RNF180: variants seen among roughly 807,000 people sequenced by gnomAD.
The protein encoded by RNF180 is E3 ubiquitin-protein ligase RNF180.
In RNF180, 38 loss-of-function variants were observed where a neutral mutation model predicts 59.2. That is an observed-to-expected ratio of 0.64 (90% confidence interval 0.50 to 0.84). The LOEUF (loss-of-function observed/expected upper bound fraction) is 0.84. RNF180 is among the 40% of genes least tolerant of loss of function. The pLI is 0.00. For missense variants in RNF180, 705 were observed against 700.9 expected, an observed-to-expected ratio of 1.01 and a Z score of -0.07; for synonymous variants, 262 against 240.3, an observed-to-expected ratio of 1.09 and a Z score of -0.84.
At chr5:64,255,617 G>C (rs978904102) in intron 5 of RNF180, among the ~76,000 whole-genome samples, 1 of 152,122 alleles carries the variant, frequency 6.6e-6, no homozygotes, top group African/African-American at 2.4e-5. Context: ...CATTTGGGTT[G>C]GTTCCAAGTC....
rs150051887 is a variant in RNF180, at chr5:64,213,882, G to A, written c.556G>A (p.Val186Met). Residue 186 changes from valine (V) to methionine (M), a missense_variant, in exon 4 of 8, where the codon GTG (valine) becomes ATG (methionine). Coordinates refer to ENST00000389100, the MANE Select transcript of RNF180 (RefSeq NM_001113561.2). ...ATTAACAGAAGCACTCTGCCTGGAG[G>A]TGCGACCAACATATTTTGAGATGAA... ...GRLTEALCLEVRPTYFEMKNE... is the reference protein window; with the variant it reads ...GRLTEALCLEMRPTYFEMKNE... The A allele has an allele frequency of 1.2e-6, 2 of 1,613,980 alleles. No individual in the cohort carries two copies. Among genetic ancestry groups the A allele is most frequent in the African/African-American group, 1.3e-5 (1 of 74,930 alleles).
At chr5:64,345,902 A>C (rs951263106) in intron 7 of RNF180, among the ~76,000 whole-genome samples, 1 of 152,172 alleles carries the variant, frequency 6.6e-6, no homozygotes, top group African/African-American at 2.4e-5. Flanking sequence ...TATGTGTGTG[A>C]AGTACAATTA....
At chr5:64,361,848 G>T (rs1399273473) in intron 7 of RNF180, among the ~76,000 whole-genome samples, 1 of 151,138 alleles carries the variant, frequency 6.6e-6, no homozygotes, top group Admixed American at 6.6e-5. Flanking sequence ...TGACTATTAT[G>T]TTATCATAAT....
At chr5:64,249,945 C>G (rs1213079269) in intron 5 of RNF180, among the ~76,000 whole-genome samples, 1 of 152,082 alleles carries the variant, frequency 6.6e-6, no homozygotes. Flanking sequence ...AAAACTTAAA[C>G]TACTCTAGAT....
chr5:64,195,759 C>T (rs1437290139), intron 1 of RNF180, among the ~76,000 whole-genome samples: 3 of 152,028 alleles, frequency 2.0e-5, no homozygotes, highest in East Asian at 3.9e-4. Context: ...CAATATTCAC[C>T]CAGTTATTCT....
At chr5:64,248,172 C>T (rs934638100) in intron 5 of RNF180, among the ~76,000 whole-genome samples, 1 of 152,168 alleles carries the variant, frequency 6.6e-6, no homozygotes, top group African/African-American at 2.4e-5. Flanking sequence ...AAAACATAGG[C>T]AGTACCATCC....
intron 6 of RNF180, among the ~76,000 whole-genome samples, chr5:64,328,900 G>A (rs1419173679): frequency 6.6e-6 from 1 of 152,156 alleles, no homozygotes; most frequent in Non-Finnish European, 1.5e-5. Flanking sequence ...GGAAAGCCTA[G>A]TTTACTTCTC....
intron 7 of RNF180, among the ~76,000 whole-genome samples, chr5:64,333,511 T>C (rs923109039): frequency 2.0e-4 from 30 of 152,212 alleles, no homozygotes; most frequent in African/African-American, 6.3e-4. Flanking sequence ...CCCCAAAATA[T>C]GAAATCAAAT....
intron 7 of RNF180, among the ~76,000 whole-genome samples, chr5:64,366,543 C>T (rs2112616394): frequency 6.6e-6 from 1 of 151,600 alleles, no homozygotes; most frequent in South Asian, 2.1e-4. Flanking sequence ...ATATGTTTTC[C>T]AAGTTGCTTC....
At chr5:64,171,301 A>G (rs1363287487) in intron 1 of RNF180, among the ~76,000 whole-genome samples, 1 of 152,248 alleles carries the variant, frequency 6.6e-6, no homozygotes, top group Non-Finnish European at 1.5e-5. Context: ...TTAACTGTCC[A>G]GTAAAATGAG....
intron 1 of RNF180, among the ~76,000 whole-genome samples, chr5:64,166,481 C>T (rs1042189129): frequency 5.9e-5 from 9 of 152,188 alleles, no homozygotes; most frequent in African/African-American, 2.2e-4. Context: ...GCCTTGGGTC[C>T]GGAGTGTACG....
chr5:64,253,451 A>T (rs1743713570), intron 5 of RNF180, among the ~76,000 whole-genome samples: 1 of 152,202 alleles, frequency 6.6e-6, no homozygotes, highest in African/African-American at 2.4e-5. Flanking sequence ...CAAATAAATT[A>T]AAAACTTTAA....
At chr5:64,301,726 T>TGTGTGTGTGTGTGTGTGTGTGTG (rs1743171415) in intron 5 of RNF180, among the ~76,000 whole-genome samples, 1 of 151,476 alleles carries the variant, frequency 6.6e-6, no homozygotes, top group African/African-American at 2.4e-5. Context: ...TGTGTGTGTA[T>TGTGTGTGTGTGTGTGTGTGTGTG]AGTTTTCAGT....
At chr5:64,258,092 G>T (rs1165161353) in intron 5 of RNF180, among the ~76,000 whole-genome samples, 1 of 152,188 alleles carries the variant, frequency 6.6e-6, no homozygotes, top group Non-Finnish European at 1.5e-5. Flanking sequence ...ATGAAATCTT[G>T]TGGGACAGTC....
At chr5:64,346,332 T>C (rs985175121) in intron 7 of RNF180, among the ~76,000 whole-genome samples, 1 of 150,674 alleles carries the variant, frequency 6.6e-6, no homozygotes, top group African/African-American at 2.4e-5. Flanking sequence ...CGGCTACTAG[T>C]TTCTATTCTT....
At chr5:64,174,394 A>G (rs1750114398) in intron 1 of RNF180, among the ~76,000 whole-genome samples, 1 of 152,236 alleles carries the variant, frequency 6.6e-6, no homozygotes, top group African/African-American at 2.4e-5. Flanking sequence ...TGTCTTCAAT[A>G]ATGGCTGGAC....
chr5:64,171,101 G>GCACTGTGGCTCTGAAGAGTCATAAGAGCC, intron 1 of RNF180, among the ~76,000 whole-genome samples: 1 of 152,304 alleles, frequency 6.6e-6, no homozygotes, highest in African/African-American at 2.4e-5. Flanking sequence ...GTGTTTTCCA[G>GCACTGTGGCTCTGAAGAGTCATAAGAGCC]CACTGTGGCT....
chr5:64,240,655 AC>A (rs1424091188), intron 5 of RNF180, among the ~76,000 whole-genome samples: 2 of 152,026 alleles, frequency 1.3e-5, no homozygotes, highest in African/African-American at 2.4e-5. Context: ...CTGATTACTT[AC>A]CCCCTCATTC....
intron 7 of RNF180, among the ~76,000 whole-genome samples, chr5:64,338,934 T>C (rs185192233): frequency 9.9e-5 from 15 of 152,262 alleles, no homozygotes; most frequent in Admixed American, 3.9e-4. Context: ...TTTGCTAATA[T>C]TTTGTCTCAG....
Sources: gnomAD v4.1 joint callset for allele counts (sites outside exome capture counted in the v4.1 genomes callset) on GRCh38, gnomAD v4.1.1 for gene constraint, MANE v1.5 for transcripts, NCBI Gene and HGNC (gene_info 2026-07-23, HGNC 2026-07-21) for gene names.